KLHL24: variants seen among roughly 807,000 people sequenced by gnomAD.
KLHL24 encodes kelch-like protein 24.
Under a neutral mutation model 53.4 loss-of-function variants are expected in KLHL24, and 29 were observed. That is an observed-to-expected ratio of 0.54 (90% CI 0.40 to 0.74). The LOEUF (loss-of-function observed/expected upper bound fraction) is 0.74. Ranked by LOEUF, KLHL24 falls within the 30% of genes least tolerant of loss-of-function variation. KLHL24 has a pLI of 0.00. For synonymous variants in KLHL24, 222 were observed against 253.7 expected (o/e 0.88, Z 1.19); for missense variants, 504 against 744.0 (o/e 0.68, Z 3.75).
Position 183,679,185 on chromosome 3 carries a change from G to A in KLHL24, c.1702G>A (p.Ala568Thr). 6.2e-7 allele frequency: 1 copy of A among 1,613,262 alleles called. No homozygotes were observed. The highest frequency in any genetic ancestry group is 8.5e-7 in the Non-Finnish European group (1 of 1,179,236). Residue 568 changes from alanine to threonine, a missense_variant, in exon 8 of 8, where the codon GCA (alanine) becomes ACA (threonine). Ala to Thr is a moderately conservative substitution (Grantham distance 58). Coordinates refer to ENST00000242810, the MANE Select transcript of KLHL24 (RefSeq NM_017644.3). The part of the protein sequence containing the change: ...ATDTILCYDP[A>T]TSIITGVAAM... The stretch of plus-strand genomic sequence containing the variant: ...AGACACTATTCTCTGTTATGATCCT[G>A]CAACAAGTATCATCACAGGGGTAGC...
intron 1 of KLHL24, among the ~76,000 whole-genome samples, chr3:183,642,555 C>T (rs1716595635): frequency 7.2e-6 from 1 of 138,586 alleles, no homozygotes; most frequent in Non-Finnish European, 1.5e-5. Flanking sequence ...GTACACAGCT[C>T]AAGGTTCTGG....
chr3:183,680,958 A>G lies in KLHL24; in HGVS notation c.*1672A>G, dbSNP rs1038200079. The stretch of plus-strand genomic sequence containing the variant: ...CATTGGTAAGCTACATTGTTTTCTC[A>G]TTTTAGAATGATTCAGAGATTTCAG... On this transcript the variant is annotated 3_prime_UTR_variant, in exon 8 of 8. Coordinates refer to ENST00000242810, the MANE Select transcript of KLHL24 (RefSeq NM_017644.3). The G allele has an allele frequency of 6.6e-6, 1 of 152,168 alleles. No homozygotes were observed. Among genetic ancestry groups the G allele is most frequent in the African/African-American group, 2.4e-5 (1 of 41,462 alleles). 9.4% of individuals were successfully genotyped at this position (152,168 alleles called of 1,614,324 possible).
intron 1 of KLHL24, among the ~76,000 whole-genome samples, chr3:183,639,673 G>T (rs887423783): frequency 6.8e-6 from 1 of 148,022 alleles, no homozygotes; most frequent in Non-Finnish European, 1.5e-5. Context: ...TGTTCAGGTG[G>T]CAGAGCTCCT....
intron 2 of KLHL24, among the ~76,000 whole-genome samples, chr3:183,648,796 G>A (rs1717693711): frequency 6.6e-6 from 1 of 152,132 alleles, no homozygotes; most frequent in Non-Finnish European, 1.5e-5. Context: ...GAGGCCAGGA[G>A]TTCAAGACCA....
At chr3:183,641,159 A>T (rs895973315) in intron 1 of KLHL24, among the ~76,000 whole-genome samples, 2 of 152,174 alleles carry the variant, frequency 1.3e-5, no homozygotes, top group Non-Finnish European at 2.9e-5. Flanking sequence ...TTGGTTTTGT[A>T]TAGTACCTTA....
At chr3:183,675,031 A>G (rs1351407213) in intron 7 of KLHL24, among the ~76,000 whole-genome samples, 1 of 152,192 alleles carries the variant, frequency 6.6e-6, no homozygotes, top group African/African-American at 2.4e-5. Context: ...TGGCAATTGT[A>G]TATTCCCTTA....
chr3:183,637,349 A>C lies in KLHL24; in HGVS notation c.-125+1556A>C, dbSNP rs372205027. ...ATAGTTTGAAGATACTCCCCTAAAA[A>C]GTAAAGATTCTTCCATACTCGGCTC... On this transcript the variant is annotated intron_variant, in intron 1 of 7. Coordinates refer to ENST00000242810, the MANE Select transcript of KLHL24 (RefSeq NM_017644.3). Among the ~76,000 whole-genome samples the C allele has an allele frequency of 1.4e-4, 21 of 152,350 alleles. No individual in the cohort carries two copies. In the East Asian group the frequency reaches 4.0e-3, roughly 29 times the overall value.
rs533733584 is a variant in KLHL24, at chr3:183,684,408, G to A, written c.*5122G>A. 25 of 152,614 alleles carry A rather than the reference G, an allele frequency of 1.6e-4. No homozygotes were observed. Among genetic ancestry groups the A allele is most frequent in the African/African-American group, 6.0e-4 (25 of 41,536 alleles). The allele number at this position is 152,614 out of a possible 1,614,324, so 9.5% of individuals were successfully genotyped here. A position where few individuals can be genotyped will look rare whatever the true frequency, so the allele number is the denominator to read the frequency against. On this transcript the variant is annotated 3_prime_UTR_variant, in exon 8 of 8. Transcript: ENST00000242810. Reference sequence around the variant, plus strand: ...ACGTGAATACTTACTTACATGTTTTGTTTAAATATACTTCTTGCATAGTTT... The same window carrying A: ...ACGTGAATACTTACTTACATGTTTTATTTAAATATACTTCTTGCATAGTTT...
At chr3:183,654,426 C>G (rs1219016539) in intron 3 of KLHL24, among the ~76,000 whole-genome samples, 4 of 151,962 alleles carry the variant, frequency 2.6e-5, no homozygotes, top group Admixed American at 2.6e-4. Flanking sequence ...AGACTTTTCT[C>G]TTTCATTCAT....
At position 183,651,209 on chromosome 3, in the gene KLHL24, T is replaced by C; in HGVS notation, c.853T>C (p.Leu285=). ...IQNSPECYQL[L]HEARRYHILG... is the part of the protein sequence containing the mutation. ...GAATTCTCCTGAGTGTTATCAGTTG[T>C]TGCATGAAGCAAGACGGTACCACAT... The change falls in exon 3 of 8, where the codon TTG becomes CTG. Residue 285 remains leucine, a synonymous_variant. Transcript: ENST00000242810. 6.2e-7 allele frequency: 1 copy of C among 1,614,184 alleles called. No homozygotes were observed. Among genetic ancestry groups the C allele is most frequent in the Non-Finnish European group, 8.5e-7 (1 of 1,180,022 alleles).
chr3:183,647,055 C>T (rs962645391), intron 2 of KLHL24, among the ~76,000 whole-genome samples: 2 of 150,920 alleles, frequency 1.3e-5, no homozygotes, highest in Non-Finnish European at 3.0e-5. Context: ...TTGTGATCCA[C>T]CCGCCTCGGT....
intron 5 of KLHL24, among the ~76,000 whole-genome samples, chr3:183,667,380 G>C (rs971153887): frequency 6.6e-6 from 1 of 152,168 alleles, no homozygotes; most frequent in Non-Finnish European, 1.5e-5. Flanking sequence ...TGCAGTCAGC[G>C]TTCTGTTAGG....
intron 1 of KLHL24, chr3:183,636,533 A>T (rs1715238377): frequency 1.3e-5 from 2 of 151,948 alleles, no homozygotes; most frequent in African/African-American, 2.4e-5. Context: ...CCACCTTCTT[A>T]CCACTCCAGG....
rs1002655852 is a variant in KLHL24 at position 183,684,085 on chromosome 3, A to G, written c.*4799A>G. 6.6e-6 allele frequency: 1 copy of G among 152,476 alleles called. No homozygotes were observed. Among genetic ancestry groups the G allele is most frequent in the Admixed American group, 6.5e-5 (1 of 15,278 alleles). 9.4% of individuals were successfully genotyped at this position (152,476 alleles called of 1,614,324 possible). A position where few individuals can be genotyped will look rare whatever the true frequency, so the allele number is the denominator to read the frequency against. On this transcript the variant is annotated 3_prime_UTR_variant, in exon 8 of 8. Transcript: ENST00000242810. ...TCTACATCGAATGTCAAAAAAGTAT[A>G]CTTATTTTTGTTCCATACTTATGTA...
Position 183,660,413 on chromosome 3 carries a change from T to C in KLHL24, c.921-3045T>C, listed in dbSNP as rs1348843216. Reference sequence around the variant, plus strand: ...CCTACCAAAGTATTCTCTCTTTTTTTCTGTATGAATTTATTATTTCATTTA... The same window carrying C: ...CCTACCAAAGTATTCTCTCTTTTTTCCTGTATGAATTTATTATTTCATTTA... On this transcript the variant is annotated intron_variant, in intron 3 of 7. Transcript: ENST00000242810. Among the ~76,000 whole-genome samples the C allele has an allele frequency of 2.0e-5, 3 of 152,302 alleles. No homozygotes were observed. The East Asian group carries it at 5.8e-4, about 29-fold the overall frequency.
At chr3:183,659,535 G>A (rs1466999242) in intron 3 of KLHL24, among the ~76,000 whole-genome samples, 3 of 152,188 alleles carry the variant, frequency 2.0e-5, no homozygotes, top group South Asian at 2.1e-4. Flanking sequence ...CCGTCTCAAG[G>A]AAGAAAAGGA....
intron 5 of KLHL24, among the ~76,000 whole-genome samples, chr3:183,669,265 T>TC (rs1721005266): frequency 6.6e-6 from 1 of 151,964 alleles, no homozygotes; most frequent in South Asian, 2.1e-4. Flanking sequence ...GGCAGGAGAA[T>TC]CCCTTGAAGC....
intron 1 of KLHL24, among the ~76,000 whole-genome samples, chr3:183,642,654 CTATGGGGA>C (rs1197854108): frequency 2.8e-5 from 4 of 141,630 alleles, no homozygotes; most frequent in Non-Finnish European, 4.6e-5. Context: ...TAGTTGGTTT[CTATGGGGA>C]TATGGGGATT....
chr3:183,681,534 T>A lies in KLHL24; in HGVS notation c.*2248T>A, dbSNP rs1390618723. 1.3e-5 allele frequency: 2 copies of A among 152,322 alleles called. No individual in the cohort carries two copies. Among genetic ancestry groups the A allele is most frequent in the Admixed American group, 1.3e-4 (2 of 15,250 alleles). 9.4% of individuals were successfully genotyped at this position (152,322 alleles called of 1,614,324 possible). On this transcript the variant is annotated 3_prime_UTR_variant, in exon 8 of 8. Coordinates refer to ENST00000242810, the MANE Select transcript of KLHL24 (RefSeq NM_017644.3). ...GAAATCCTGAAAAACAGAATTTTTT[T>A]AAACACAGACCTCACACCAATATTA...
Sources: gnomAD v4.1 joint callset for allele counts (sites outside exome capture counted in the v4.1 genomes callset) on GRCh38, gnomAD v4.1.1 for gene constraint, MANE v1.5 for transcripts, NCBI Gene and HGNC (gene_info 2026-07-23, HGNC 2026-07-21) for gene names.